Variants in PCSK6 observed in about 807,000 individuals in gnomAD.
The protein encoded by PCSK6 is proprotein convertase subtilisin/kexin type 6.
In PCSK6, 85 loss-of-function variants were observed where a neutral mutation model predicts 123.3. That is an observed-to-expected ratio of 0.69 (90% CI 0.58 to 0.83). The LOEUF (loss-of-function observed/expected upper bound fraction) is 0.83. Ranked by LOEUF, PCSK6 falls within the 40% of genes least tolerant of loss-of-function variation. PCSK6 has a pLI of 0.00. For missense variants in PCSK6, 1,191 were observed against 1,282.3 expected (o/e 0.93, Z 1.09); for synonymous variants, 508 against 516.0 (o/e 0.98, Z 0.21).
In PCSK6 at chr15:101,322,098, C is replaced by G. The variant is rs372764613; in HGVS notation, c.2465+422G>C. On this transcript the variant is annotated intron_variant, in intron 18 of 21. Transcript: ENST00000611716. ...GAACCAGGAACGTAAAGAGCACCCTCAGGAAGCCGTGAAGATGTCAGGAGC... is the reference window on the plus strand; with the variant it reads ...GAACCAGGAACGTAAAGAGCACCCTGAGGAAGCCGTGAAGATGTCAGGAGC... 1.3e-4 allele frequency among the ~76,000 whole-genome samples: 20 copies of G among 152,130 alleles called. No homozygotes were observed. In the East Asian group the frequency reaches 2.3e-3, roughly 18 times the overall value.
intron 1 of PCSK6, among the ~76,000 whole-genome samples, chr15:101,474,472 C>T (rs892070150): frequency 1.1e-4 from 16 of 152,218 alleles, no homozygotes; most frequent in Admixed American, 2.6e-4. Flanking sequence ...AGCACCTCGT[C>T]CGGGGCCAGG....
At chr15:101,482,844 C>G (rs1466704249) in intron 1 of PCSK6, among the ~76,000 whole-genome samples, 7 of 152,320 alleles carry the variant, frequency 4.6e-5, no homozygotes, top group African/African-American at 1.7e-4. Flanking sequence ...GATTCTGAGT[C>G]TGCCCTGGAT....
At chr15:101,316,211 AG>A (rs1294351380) in intron 19 of PCSK6, 2 of 152,306 alleles carry the variant, frequency 1.3e-5, no homozygotes, top group African/African-American at 4.8e-5. Flanking sequence ...CTCTCTCCCA[AG>A]AGGCTGCCAG....
intron 1 of PCSK6, among the ~76,000 whole-genome samples, chr15:101,444,148 T>C (rs1037644442): frequency 3.3e-5 from 5 of 152,132 alleles, no homozygotes; most frequent in African/African-American, 1.2e-4. Context: ...AGAAAACACA[T>C]GGATCCATCT....
At chr15:101,384,173 A>C in intron 10 of PCSK6, 149 bp downstream of exon 10, 1 of 1,439,006 alleles carries the variant, frequency 6.9e-7, no homozygotes, top group South Asian at 1.5e-5. Flanking sequence ...ACTTTTCTTA[A>C]ATAGCTGCAC....
chr15:101,415,016 A>G (rs1410240569), intron 6 of PCSK6, among the ~76,000 whole-genome samples: 3 of 152,262 alleles, frequency 2.0e-5, no homozygotes, highest in Admixed American at 6.5e-5. Context: ...TATATCAGCC[A>G]AAGTACAATT....
At position 101,443,541 on chromosome 15, in the gene PCSK6, C is replaced by A; in HGVS notation, c.402+15G>T. 6.3e-7 allele frequency: 1 copy of A among 1,578,224 alleles called. No homozygotes were observed. The highest frequency in any genetic ancestry group is 8.7e-7 in the Non-Finnish European group (1 of 1,147,386). On this transcript the variant is annotated intron_variant, in intron 2 of 21. Transcript: ENST00000611716. ...AACCCTCCAGCCCTTAGGAAAGCAT[C>A]CGGACACTCTGTACCTGGGGGTCCA...
At chr15:101,414,689 GAGA>G (rs2055823715) in intron 6 of PCSK6, among the ~76,000 whole-genome samples, 3 of 152,086 alleles carry the variant, frequency 2.0e-5, no homozygotes. Context: ...TGAAAGAAAA[GAGA>G]AGAAACTACA....
chr15:101,471,207 T>C (rs1397259129), intron 1 of PCSK6, among the ~76,000 whole-genome samples: 1 of 152,128 alleles, frequency 6.6e-6, no homozygotes, highest in Non-Finnish European at 1.5e-5. Context: ...CAAAAGCAAA[T>C]GCCCCTGAAC....
intron 6 of PCSK6, among the ~76,000 whole-genome samples, chr15:101,423,823 T>C (rs940922038): frequency 2.6e-5 from 4 of 151,862 alleles, no homozygotes; most frequent in African/African-American, 9.7e-5. Context: ...AATAACCCAC[T>C]AAGAAGCACA....
chr15:101,402,117 A>G (rs1016784337), intron 6 of PCSK6, among the ~76,000 whole-genome samples: 6 of 148,956 alleles, frequency 4.0e-5, no homozygotes, highest in Admixed American at 2.0e-4. Flanking sequence ...ATAATGCCAC[A>G]TATCTACAAC....
chr15:101,457,740 C>T (rs72757610), intron 1 of PCSK6, among the ~76,000 whole-genome samples: 27,572 of 152,116 alleles, frequency 0.18, 2,599 homozygotes, highest in East Asian at 0.25. Flanking sequence ...CCGGGGACAG[C>T]CCACACACAG....
In PCSK6 at chr15:101,305,627, G is replaced by A. The variant is rs2039705886; in HGVS notation, c.2813-272C>T. On this transcript the variant is annotated intron_variant, in intron 21 of 21. Transcript: ENST00000611716. The surrounding 1 kb of genome is among the most constrained non-coding windows in gnomAD (Gnocchi z 4.8). ...GGAGGCTAAAGCAGGAGAACCACCT[G>A]AACCCAGGAGGCAGAGGTTGCAGTG... 1 of 361,646 alleles carries A rather than the reference G, an allele frequency of 2.8e-6. No individual in the cohort carries two copies. Among genetic ancestry groups the A allele is most frequent in the Non-Finnish European group, 5.1e-6 (1 of 194,224 alleles). 22.4% of individuals were successfully genotyped at this position (361,646 alleles called of 1,614,324 possible).
chr15:101,452,719 A>G (rs1261269501), intron 1 of PCSK6, among the ~76,000 whole-genome samples: 3 of 152,260 alleles, frequency 2.0e-5, no homozygotes, highest in African/African-American at 7.2e-5. Flanking sequence ...CCACTCAGGG[A>G]AAGTGAAGAC....
At chr15:101,395,130 C>T (rs747538) in intron 7 of PCSK6, among the ~76,000 whole-genome samples, 42,309 of 152,074 alleles carry the variant, frequency 0.28, 7,063 homozygotes, top group Non-Finnish European at 0.37. Flanking sequence ...CTAGACACTG[C>T]CACTCCTAAC....
chr15:101,373,251 G>A (rs2041637576), intron 11 of PCSK6, among the ~76,000 whole-genome samples: 1 of 152,026 alleles, frequency 6.6e-6, no homozygotes, highest in Admixed American at 6.5e-5. Context: ...CCCAGCTCCT[G>A]CAGGAGTTAA....
At chr15:101,391,521 C>T (rs761161981) in intron 8 of PCSK6, among the ~76,000 whole-genome samples, 42 of 152,190 alleles carry the variant, frequency 2.8e-4, no homozygotes, top group Non-Finnish European at 6.0e-4. Context: ...ACGAACATAC[C>T]CTCTTGTTCT....
chr15:101,322,978 T>C (rs2141355393), intron 17 of PCSK6, among the ~76,000 whole-genome samples: 1 of 152,350 alleles, frequency 6.6e-6, no homozygotes, highest in East Asian at 1.9e-4. Context: ...AGGCTGCCGC[T>C]TGCCCACCAC....
At chr15:101,457,415 C>T (rs1243560438) in intron 1 of PCSK6, among the ~76,000 whole-genome samples, 1 of 152,216 alleles carries the variant, frequency 6.6e-6, no homozygotes, top group Admixed American at 6.5e-5. Flanking sequence ...ATATGGAATG[C>T]TCGGCTCACG....
Sources: allele counts gnomAD v4.1 joint callset (sites outside exome capture counted in the v4.1 genomes callset), GRCh38; gene constraint gnomAD v4.1.1; non-coding constraint Gnocchi (gnomAD v3.1); transcripts MANE v1.5; gene names NCBI Gene and HGNC (gene_info 2026-07-23, HGNC 2026-07-21).